CD80: variants seen among roughly 807,000 people sequenced by gnomAD.
CD80 encodes the protein CD80 molecule.
CD80 carries 13 observed loss-of-function variants against 27.1 expected under a neutral mutation model. That is an observed-to-expected ratio of 0.48 (90% CI 0.31 to 0.76). The LOEUF is 0.76. Ranked by LOEUF, CD80 falls within the 30% of genes least tolerant of loss-of-function variation. The pLI is 0.04. For synonymous variants in CD80, 125 were observed against 125.5 expected (o/e 1.00, Z 0.03); for missense variants, 277 against 347.9 (o/e 0.80, Z 1.62).
At chr3:119,540,665 A>T (rs1233709633) in intron 3 of CD80, among the ~76,000 whole-genome samples, 1 of 152,186 alleles carries the variant, frequency 6.6e-6, no homozygotes, top group Non-Finnish European at 1.5e-5. Context: ...TCATATCCTA[A>T]ATTATTAATA....
chr3:119,530,423 T>C (rs2082103399), intron 4 of CD80, among the ~76,000 whole-genome samples: 1 of 152,206 alleles, frequency 6.6e-6, no homozygotes, highest in South Asian at 2.1e-4. Context: ...CAGGAGCCAC[T>C]TTGCATTCAC....
intron 4 of CD80, among the ~76,000 whole-genome samples, chr3:119,535,445 G>A (rs1016589768): frequency 6.6e-6 from 1 of 152,172 alleles, no homozygotes; most frequent in African/African-American, 2.4e-5. Context: ...GGTAGGGAGA[G>A]AGACCTGTGG....
At chr3:119,557,549 G>A (rs955949163) in intron 2 of CD80, 80 bp downstream of exon 2, 4 of 873,410 alleles carry the variant, frequency 4.6e-6, no homozygotes, top group Non-Finnish European at 7.0e-6. Flanking sequence ...GATAATAGAA[G>A]GGAGCAGCTC....
intron 3 of CD80, chr3:119,544,220 A>G (rs2082187540): frequency 6.5e-6 from 2 of 307,630 alleles, no homozygotes; most frequent in Non-Finnish European, 6.2e-6. Context: ...TCACAGGCAT[A>G]TATTGCTGGG....
intron 3 of CD80, among the ~76,000 whole-genome samples, chr3:119,540,387 A>G (rs1006186093): frequency 6.6e-6 from 1 of 152,216 alleles, no homozygotes; most frequent in Non-Finnish European, 1.5e-5. Flanking sequence ...AAGCCATGAC[A>G]AATGATGATA....
At chr3:119,543,004 A>G (rs1053708836) in intron 3 of CD80, among the ~76,000 whole-genome samples, 1 of 151,946 alleles carries the variant, frequency 6.6e-6, no homozygotes, top group African/African-American at 2.4e-5. Flanking sequence ...CCCCCAACCC[A>G]GTGCAAGAAG....
chr3:119,533,693 C>T (rs962591751), intron 4 of CD80, among the ~76,000 whole-genome samples: 1 of 152,182 alleles, frequency 6.6e-6, no homozygotes, highest in Non-Finnish European at 1.5e-5. Context: ...TGCCTTCTGC[C>T]ATGATTTGTG....
At chr3:119,556,362 C>T (rs1299120381) in intron 2 of CD80, among the ~76,000 whole-genome samples, 2 of 151,524 alleles carry the variant, frequency 1.3e-5, no homozygotes, top group Non-Finnish European at 2.9e-5. Flanking sequence ...GTCTCTCCCC[C>T]TCCCTGCCCC....
intron 5 of CD80, among the ~76,000 whole-genome samples, chr3:119,528,048 C>T (rs73189805): frequency 0.073 from 11,073 of 152,078 alleles, 563 homozygotes; most frequent in African/African-American, 0.14. Flanking sequence ...ATTGTCGCAA[C>T]GGGCAAGGGG....
intron 3 of CD80, among the ~76,000 whole-genome samples, chr3:119,541,035 A>G (rs1277077131): frequency 6.6e-6 from 1 of 151,216 alleles, no homozygotes; most frequent in Non-Finnish European, 1.5e-5. Flanking sequence ...GTGACAGAGT[A>G]AGAGACTCCA....
At chr3:119,545,365 T>G (rs1040646884) in intron 2 of CD80, among the ~76,000 whole-genome samples, 1 of 151,792 alleles carries the variant, frequency 6.6e-6, no homozygotes, top group African/African-American at 2.4e-5. Context: ...AACAAACACA[T>G]AACATAAAAT....
At chr3:119,553,940 C>T (rs1205061376) in intron 2 of CD80, among the ~76,000 whole-genome samples, 2 of 152,208 alleles carry the variant, frequency 1.3e-5, no homozygotes, top group Non-Finnish European at 2.9e-5. Flanking sequence ...CTAGCACCGA[C>T]AGGGCTGGTG....
At chr3:119,554,561 G>A (rs2082252201) in intron 2 of CD80, among the ~76,000 whole-genome samples, 1 of 152,178 alleles carries the variant, frequency 6.6e-6, no homozygotes. Context: ...GAGGAGCCTG[G>A]CTGGTTCCAC....
At chr3:119,554,765 C>T (rs1291520868) in intron 2 of CD80, among the ~76,000 whole-genome samples, 2 of 152,208 alleles carry the variant, frequency 1.3e-5, no homozygotes, top group African/African-American at 4.8e-5. Context: ...CACACTCACA[C>T]CTACACTCCC....
At chr3:119,527,420 G>A (rs1190953460) in intron 6 of CD80, 1 of 231,808 alleles carries the variant, frequency 4.3e-6, no homozygotes, top group Non-Finnish European at 8.3e-6. Context: ...AGGGAAAAAT[G>A]AATGATCAGA....
intron 1 of CD80, among the ~76,000 whole-genome samples, chr3:119,558,181 C>T (rs2082274206): frequency 6.6e-6 from 1 of 152,170 alleles, no homozygotes; most frequent in African/African-American, 2.4e-5. Flanking sequence ...CAGGAGAGCT[C>T]TAAGGACCCT....
chr3:119,537,314 A>G lies in CD80; in HGVS notation c.523T>C (p.Trp175Arg), dbSNP rs771902926. Residue 175 changes from tryptophan (W) to arginine (R), a missense_variant, in exon 4 of 7, where the codon TGG (tryptophan) becomes CGG (arginine). Physicochemically the swap from Trp to Arg is moderately radical, Grantham distance 101. Transcript: ENST00000264246. ...TTTAATTCTTCTCCATTTTCCAACC[A>G]GGAGAGGTGAGGCTCTGGAAAACCT... Reference protein sequence around the residue: ...SGGFPEPHLSWLENGEELNAI... With the variant: ...SGGFPEPHLSRLENGEELNAI... 1 of 1,614,090 alleles carries G rather than the reference A, an allele frequency of 6.2e-7. No homozygotes were observed. The highest frequency in any genetic ancestry group is 1.1e-5 in the South Asian group (1 of 91,084).
At chr3:119,530,707 G>T (rs1443060684) in intron 4 of CD80, among the ~76,000 whole-genome samples, 2 of 152,256 alleles carry the variant, frequency 1.3e-5, no homozygotes, top group Admixed American at 6.5e-5. Flanking sequence ...CTGCTTTGAG[G>T]AATCATTAGC....
At chr3:119,544,251 G>C (rs1388274443) in intron 3 of CD80, 4 of 395,708 alleles carry the variant, frequency 1.0e-5, no homozygotes, top group African/African-American at 2.0e-5. Flanking sequence ...TTAGTAGCAA[G>C]GCTACATCAA....
Sources: allele counts gnomAD v4.1 joint callset (sites outside exome capture counted in the v4.1 genomes callset), GRCh38; gene constraint gnomAD v4.1.1; transcripts MANE v1.5; gene names NCBI Gene and HGNC (gene_info 2026-07-23, HGNC 2026-07-21).